SGO1: variants seen among roughly 807,000 people sequenced by gnomAD.
The protein encoded by SGO1 is shugoshin 1, also known as serologically defined breast cancer antigen NY-BR-85.
A neutral mutation model predicts 50.5 loss-of-function variants in SGO1; 39 were observed. The observed-to-expected ratio is 0.77, with a 90% CI of 0.60 to 1.01. SGO1 has a LOEUF of 1.01. SGO1 is among the 50% of genes least tolerant of loss of function. The pLI is 0.00. For synonymous variants in SGO1, 191 were observed against 205.1 expected, an observed-to-expected ratio of 0.93 and a Z score of 0.59; for missense variants, 638 against 606.0, an observed-to-expected ratio of 1.05 and a Z score of -0.55.
At chr3:20,178,028 T>C (rs1297865115) in intron 4 of SGO1, among the ~76,000 whole-genome samples, 2 of 152,090 alleles carry the variant, frequency 1.3e-5, no homozygotes, top group Non-Finnish European at 2.9e-5. Context: ...AATTAAAAAC[T>C]GTGGTAAGGC....
At chr3:20,183,847 T>TTTTTAATAACTGATA (rs756623813) in intron 2 of SGO1, 39 bp downstream of exon 2, 1 of 1,606,410 alleles carries the variant, frequency 6.2e-7, no homozygotes, top group South Asian at 1.1e-5. Context: ...AAATCTAAAC[T>TTTTTAATAACTGATA]TAAAAGTGAT....
rs778223650 is a variant in SGO1, at chr3:20,174,407, C to T, written c.1124G>A (p.Gly375Glu). The T allele has an allele frequency of 6.2e-7, 1 of 1,614,138 alleles. No homozygotes were observed. Among genetic ancestry groups the T allele is most frequent in the South Asian group, 1.1e-5 (1 of 91,072 alleles). ...EVSLCESSGS[G>E]DDSDDLYLPT... The stretch of plus-strand genomic sequence containing the variant: ...CAAATAGAGGTCATCGGAATCATCT[C>T]CTGAACCACTTGATTCACAGAGGCT... Residue 375 changes from glycine (G) to glutamate (E), a missense_variant, in exon 6 of 8, where the codon GGA (glycine) becomes GAA (glutamate). Coordinates refer to ENST00000412997, the MANE Select transcript of SGO1 (RefSeq NM_001199251.3).
chr3:20,168,736 G>A (rs569919092), downstream of SGO1, among the ~76,000 whole-genome samples: 8 of 150,074 alleles, frequency 5.3e-5, no homozygotes, highest in South Asian at 6.4e-4. Flanking sequence ...TCCGCCTCCC[G>A]GGTTCACGCC....
chr3:20,172,428 G>A (rs1700838361), intron 6 of SGO1, among the ~76,000 whole-genome samples: 1 of 151,270 alleles, frequency 6.6e-6, no homozygotes. Context: ...TTGAACCCAG[G>A]AGGCGGAGGT....
upstream of SGO1, chr3:20,186,448 C>G (rs1702682964): frequency 6.6e-6 from 1 of 152,256 alleles, no homozygotes; most frequent in Non-Finnish European, 1.5e-5. Flanking sequence ...GGAGTTACTC[C>G]GAAACCTTTA....
intron 1 of SGO1, among the ~76,000 whole-genome samples, chr3:20,185,002 C>T (rs940817548): frequency 6.6e-6 from 1 of 152,136 alleles, no homozygotes; most frequent in Non-Finnish European, 1.5e-5. Context: ...ATCTCCTCTA[C>T]GATAGTCAAA....
exon 9 of SGO1, chr3:20,160,722 G>A (rs769081225): frequency 1.7e-4 from 27 of 154,928 alleles, no homozygotes; most frequent in Non-Finnish European, 2.1e-4. Flanking sequence ...TGGGATTGGA[G>A]AATTTCGCTT....
intron 6 of SGO1, among the ~76,000 whole-genome samples, chr3:20,173,148 T>C (rs1575205369): frequency 2.1e-5 from 3 of 140,008 alleles, no homozygotes; most frequent in African/African-American, 8.4e-5. Flanking sequence ...TTTTTTTTTT[T>C]GAGACTGAGT....
At chr3:20,180,313 G>A (rs1207653826) in intron 3 of SGO1, among the ~76,000 whole-genome samples, 1 of 152,034 alleles carries the variant, frequency 6.6e-6, no homozygotes, top group Non-Finnish European at 1.5e-5. Flanking sequence ...CGTTTCAAAT[G>A]TGAATGGAAG....
chr3:20,170,469 T>G lies in SGO1; in HGVS notation c.*235A>C. On this transcript the variant is annotated 3_prime_UTR_variant, in exon 8 of 8. Transcript: ENST00000412997. Reference sequence around the variant, plus strand: ...GCAGCATAAGAAATCGATATGATGATAATGCTTAAGCTCAGTTATTTATAT... The same window carrying G: ...GCAGCATAAGAAATCGATATGATGAGAATGCTTAAGCTCAGTTATTTATAT... 1 of 1,084,718 alleles carries G rather than the reference T, an allele frequency of 9.2e-7. No homozygotes were observed. The highest frequency in any genetic ancestry group is 1.1e-6 in the Non-Finnish European group (1 of 895,990). The allele number at this position is 1,084,718 out of a possible 1,614,324, so 67.2% of individuals were successfully genotyped here.
At position 20,170,812 on chromosome 3, in the gene SGO1, T is replaced by C; in HGVS notation, c.1476A>G (p.Lys492=). 6.3e-7 allele frequency: 1 copy of C among 1,590,292 alleles called. No individual in the cohort carries two copies. Among genetic ancestry groups the C allele is most frequent in the East Asian group, 2.3e-5 (1 of 43,880 alleles). Residue 492 remains lysine (K), a synonymous_variant, in exon 8 of 8, where the codon AAA becomes AAG. Transcript: ENST00000412997. ...CTGTAAAAGGGTCCCCTCTTCTCAG[T>C]TTCCTGTAAGAGTAAAAAGAGATCT... ...VNYKEPTLAS[K]LRRGDPFTDL... is the part of the protein sequence containing the mutation.
At chr3:20,169,038 A>G, downstream of SGO1, 1 of 985,218 alleles carries the variant, frequency 1.0e-6, no homozygotes, top group Non-Finnish European at 1.2e-6. Flanking sequence ...GTAAGAAAAA[A>G]AAAACTTAAA....
At chr3:20,169,227 ATT>A, downstream of SGO1, 1 of 985,180 alleles carries the variant, frequency 1.0e-6, no homozygotes, top group Non-Finnish European at 1.2e-6. Flanking sequence ...TAAAATTATA[ATT>A]TGTTAATCAT....
rs1700570950 is a variant in SGO1, at chr3:20,170,211, C to T, written c.*493G>A. 2 of 590,630 alleles carry T rather than the reference C, an allele frequency of 3.4e-6. No individual in the cohort carries two copies. Among genetic ancestry groups the T allele is most frequent in the Non-Finnish European group, 4.3e-6 (2 of 469,464 alleles). The allele number at this position is 590,630 out of a possible 1,614,324, so 36.6% of individuals were successfully genotyped here. A position where few individuals can be genotyped will look rare whatever the true frequency, so the allele number is the denominator to read the frequency against. On this transcript the variant is annotated 3_prime_UTR_variant, in exon 8 of 8. Transcript: ENST00000412997. ...GTTGGGAGTTTGAGAGCAACCTGACCAACATGGAGAAACCCTGTCTCTACT... is the reference window on the plus strand; with the variant it reads ...GTTGGGAGTTTGAGAGCAACCTGACTAACATGGAGAAACCCTGTCTCTACT...
At position 20,174,815 on chromosome 3, in the gene SGO1, T is replaced by TC. The variant is rs1701191510; in HGVS notation, c.715dup (p.Glu239GlyfsTer16). ...TTGACAAGCATTGTGTTGTACATTT[T>TC]CAGGTATGTGCATGTTTACTAGTGG... is the stretch of plus-strand genomic sequence containing the variant. On this transcript the variant is annotated frameshift_variant, in exon 6 of 8. Coordinates refer to ENST00000412997, the MANE Select transcript of SGO1 (RefSeq NM_001199251.3). LOFTEE classifies it high-confidence loss of function. The TC allele has an allele frequency of 6.2e-7, 1 of 1,614,040 alleles. No homozygotes were observed. Among genetic ancestry groups the TC allele is most frequent in the Admixed American group, 1.7e-5 (1 of 60,004 alleles).
At chr3:20,179,593 T>C (rs1228559708) in intron 3 of SGO1, among the ~76,000 whole-genome samples, 1 of 151,954 alleles carries the variant, frequency 6.6e-6, no homozygotes, top group East Asian at 1.9e-4. Context: ...ACTGGCTAAT[T>C]TTTATTTTTT....
intron 3 of SGO1, among the ~76,000 whole-genome samples, chr3:20,178,660 G>C (rs774749665): frequency 6.6e-6 from 1 of 152,214 alleles, no homozygotes; most frequent in Non-Finnish European, 1.5e-5. Context: ...TAAATACAGT[G>C]AATGTGATAT....
At position 20,183,656 on chromosome 3, in the gene SGO1, A is replaced by T. The variant is rs1277185189; in HGVS notation, c.291T>A (p.Tyr97Ter). The T allele has an allele frequency of 1.2e-6, 2 of 1,609,808 alleles. No individual in the cohort carries two copies. The highest frequency in any genetic ancestry group is 1.1e-5 in the South Asian group (1 of 89,612). ...KECYYLTCQL[Y>*]ALKGKLTSQQ... is the part of the protein sequence containing the mutation. Reference sequence around the variant, plus strand: ...GTGATGTAAGTTTTCCTTTCAATGCATATAGCTGACATGTGAGATAGTAAC... The same window carrying T: ...GTGATGTAAGTTTTCCTTTCAATGCTTATAGCTGACATGTGAGATAGTAAC... Residue 97 changes from tyrosine (Y) to a stop codon, truncating the protein, a stop_gained, in exon 3 of 8, where the codon TAT becomes TAA. Coordinates refer to ENST00000412997, the MANE Select transcript of SGO1 (RefSeq NM_001199251.3). LOFTEE classifies it high-confidence loss of function.
chr3:20,180,482 G>A (rs771746033), intron 3 of SGO1, among the ~76,000 whole-genome samples: 47 of 152,280 alleles, frequency 3.1e-4, no homozygotes, highest in South Asian at 1.2e-3. Context: ...TGACTGAAAT[G>A]ATCCAGTGGA....
Sources: allele counts gnomAD v4.1 joint callset (sites outside exome capture counted in the v4.1 genomes callset), GRCh38; gene constraint gnomAD v4.1.1; transcripts MANE v1.5; gene names NCBI Gene and HGNC (gene_info 2026-07-23, HGNC 2026-07-21).